Variants in ANAPC10 observed in about 807,000 individuals in gnomAD.
ANAPC10 encodes anaphase promoting complex subunit 10.
A neutral mutation model predicts 22.0 loss-of-function variants in ANAPC10; 12 were observed. The observed-to-expected ratio is 0.55, with a 90% CI of 0.35 to 0.88. ANAPC10 has a LOEUF of 0.88. ANAPC10 is among the 40% of genes least tolerant of loss of function. ANAPC10 has a pLI of 0.01. For missense variants in ANAPC10, 188 were observed against 220.9 expected (o/e 0.85, Z 0.94); for synonymous variants, 65 against 69.5 (o/e 0.94, Z 0.32).
chr4:145,008,744 C>T (rs1447657723), intron 4 of ANAPC10, among the ~76,000 whole-genome samples: 42 of 146,632 alleles, frequency 2.9e-4, no homozygotes, highest in East Asian at 6.0e-4. Context: ...ACTGAATGGG[C>T]AAAAACTGGA....
At chr4:145,077,495 G>A (rs1745363309) in intron 3 of ANAPC10, among the ~76,000 whole-genome samples, 1 of 152,022 alleles carries the variant, frequency 6.6e-6, no homozygotes, top group Non-Finnish European at 1.5e-5. Flanking sequence ...AAACTGAGAG[G>A]AAGAATTCCT....
At chr4:144,998,064 C>T (rs971390776) in intron 4 of ANAPC10, among the ~76,000 whole-genome samples, 5 of 152,154 alleles carry the variant, frequency 3.3e-5, no homozygotes, top group South Asian at 2.1e-4. Flanking sequence ...AATACAGGAG[C>T]ACCCAGATTC....
chr4:145,053,687 G>T lies in ANAPC10; in HGVS notation c.327+10885C>A. The T allele has an allele frequency of 8.5e-6, 5 of 586,088 alleles. No homozygotes were observed. In the Admixed American group the frequency reaches 9.0e-5, roughly 11 times the overall value. 36.3% of individuals were successfully genotyped at this position (586,088 alleles called of 1,614,324 possible). ...AAATGGACACAGAAAAGTATGCATT[G>T]TCTTTTATTTGCAGTTTCTGCTTCA... is the stretch of plus-strand genomic sequence containing the variant. On this transcript the variant is annotated intron_variant, in intron 4 of 4. Coordinates refer to ENST00000507656, the MANE Select transcript of ANAPC10 (RefSeq NM_001256706.2).
intron 4 of ANAPC10, among the ~76,000 whole-genome samples, chr4:145,040,331 A>C (rs766604556): frequency 6.6e-6 from 1 of 152,164 alleles, no homozygotes; most frequent in Non-Finnish European, 1.5e-5. Flanking sequence ...TATTGTTAAT[A>C]GAGACGGGGT....
intron 4 of ANAPC10, among the ~76,000 whole-genome samples, chr4:145,004,103 C>T (rs1258293161): frequency 6.6e-6 from 1 of 151,972 alleles, no homozygotes; most frequent in African/African-American, 2.4e-5. Context: ...TCTGTGGCTA[C>T]TGTGAATAGA....
chr4:145,014,777 G>GC (rs1338160650), intron 4 of ANAPC10, among the ~76,000 whole-genome samples: 5 of 152,158 alleles, frequency 3.3e-5, no homozygotes, highest in Non-Finnish European at 7.3e-5. Flanking sequence ...TGCAGACAAT[G>GC]CCCAGTACCA....
chr4:145,039,887 C>T (rs1739242751), intron 4 of ANAPC10, among the ~76,000 whole-genome samples: 1 of 152,080 alleles, frequency 6.6e-6, no homozygotes, highest in Non-Finnish European at 1.5e-5. Flanking sequence ...AGTCACTGTA[C>T]TCAGCCAAGG....
Position 145,081,641 on chromosome 4 carries a change from T to C in ANAPC10, c.206+19A>G. On this transcript the variant is annotated intron_variant, in intron 3 of 4. Coordinates refer to ENST00000507656, the MANE Select transcript of ANAPC10 (RefSeq NM_001256706.2). ...CTATAACCTACAGTAGATGAAAAAT[T>C]TGAAAATGTATTAATTACCTGAATT... is the stretch of plus-strand genomic sequence containing the variant. 3.2e-6 allele frequency: 5 copies of C among 1,550,778 alleles called. No individual in the cohort carries two copies. The highest frequency in any genetic ancestry group is 4.4e-6 in the Non-Finnish European group (5 of 1,130,760).
intron 4 of ANAPC10, among the ~76,000 whole-genome samples, chr4:145,042,883 C>T (rs971138442): frequency 6.0e-5 from 9 of 151,016 alleles, no homozygotes; most frequent in Admixed American, 3.3e-4. Flanking sequence ...TTTCTCTGTA[C>T]ATCTTTAAAA....
chr4:145,024,047 A>AGT (rs1736318047), intron 4 of ANAPC10, among the ~76,000 whole-genome samples: 2 of 152,204 alleles, frequency 1.3e-5, no homozygotes, highest in African/African-American at 4.8e-5. Flanking sequence ...CTTTACCAGG[A>AGT]GTAGATTCAA....
chr4:145,069,501 T>C (rs191477788), intron 3 of ANAPC10, among the ~76,000 whole-genome samples: 37 of 152,262 alleles, frequency 2.4e-4, no homozygotes, highest in African/African-American at 8.9e-4. Flanking sequence ...CAATTTCCAG[T>C]GGGCACAGAG....
intron 4 of ANAPC10, among the ~76,000 whole-genome samples, chr4:145,019,335 G>A (rs1459491422): frequency 2.0e-5 from 3 of 152,124 alleles, no homozygotes; most frequent in Admixed American, 6.6e-5. Context: ...TAAATAACCT[G>A]CTCCTGAATG....
Position 145,017,483 on chromosome 4 carries a change from AG to A in ANAPC10, c.328-21881del, listed in dbSNP as rs1735356935. 3.9e-5 allele frequency among the ~76,000 whole-genome samples: 6 copies of A among 152,334 alleles called. No homozygotes were observed. In the South Asian group the frequency reaches 1.2e-3, roughly 32 times the overall value. On this transcript the variant is annotated intron_variant, in intron 4 of 4. Coordinates refer to ENST00000507656, the MANE Select transcript of ANAPC10 (RefSeq NM_001256706.2). ...AGTCAGGAAACAACAGGTGCTGGAGAGGATGTGGAGAAATAGGAACACTTTT... is the reference window on the plus strand; with the variant it reads ...AGTCAGGAAACAACAGGTGCTGGAGAGATGTGGAGAAATAGGAACACTTTT...
intron 4 of ANAPC10, among the ~76,000 whole-genome samples, chr4:145,031,656 T>C (rs953550928): frequency 6.6e-6 from 1 of 152,200 alleles, no homozygotes; most frequent in Non-Finnish European, 1.5e-5. Context: ...TTGGGCCATA[T>C]AACTCAGCAG....
In ANAPC10 at chr4:145,012,930, G is replaced by A. The variant is rs1022877512; in HGVS notation, c.328-17327C>T. Among the ~76,000 whole-genome samples the A allele has an allele frequency of 3.3e-5, 5 of 152,250 alleles. No homozygotes were observed. In the South Asian group the frequency reaches 1.0e-3, roughly 32 times the overall value. On this transcript the variant is annotated intron_variant, in intron 4 of 4. Coordinates refer to ENST00000507656, the MANE Select transcript of ANAPC10 (RefSeq NM_001256706.2). ...GGTGATGGATTTCCCCTTTGGTGCT[G>A]TTCTCATGATAGTGAGTGAGTTATC... is the stretch of plus-strand genomic sequence containing the variant.
At chr4:145,086,029 A>G (rs1005956206) in intron 2 of ANAPC10, among the ~76,000 whole-genome samples, 4 of 152,142 alleles carry the variant, frequency 2.6e-5, no homozygotes, top group African/African-American at 9.7e-5. Flanking sequence ...AGAGCTTCAA[A>G]AAATAAAAGT....
At chr4:144,996,112 AG>A (rs1731566526) in intron 4 of ANAPC10, among the ~76,000 whole-genome samples, 1 of 152,226 alleles carries the variant, frequency 6.6e-6, no homozygotes, top group Non-Finnish European at 1.5e-5. Flanking sequence ...TAGCTTGCCC[AG>A]GCAGGGAACT....
At chr4:145,058,911 A>T (rs1448597861) in intron 4 of ANAPC10, among the ~76,000 whole-genome samples, 1 of 152,190 alleles carries the variant, frequency 6.6e-6, no homozygotes, top group African/African-American at 2.4e-5. Flanking sequence ...TGGCCTAAAA[A>T]TTATGTGTAT....
chr4:145,025,070 A>T (rs1294284006), intron 4 of ANAPC10, among the ~76,000 whole-genome samples: 1 of 152,162 alleles, frequency 6.6e-6, no homozygotes, highest in Non-Finnish European at 1.5e-5. Flanking sequence ...TGCTAGCTTC[A>T]AACTCTCTTC....
Sources: gnomAD v4.1 joint callset for allele counts (sites outside exome capture counted in the v4.1 genomes callset) on GRCh38, gnomAD v4.1.1 for gene constraint, MANE v1.5 for transcripts, NCBI Gene and HGNC (gene_info 2026-07-23, HGNC 2026-07-21) for gene names.